The following HMCN2 variants were observed in gnomAD, a reference collection of about 807,000 sequenced individuals.
The protein encoded by HMCN2 is hemicentin 2.
Under a neutral mutation model 377.5 loss-of-function variants are expected in HMCN2, and 325 were observed. The observed-to-expected ratio is 0.86, with a 90% CI of 0.79 to 0.94. The LOEUF (loss-of-function observed/expected upper bound fraction) is 0.94, where lower values mean the gene tolerates loss of function less well. Ranked by LOEUF, HMCN2 falls within the 40% of genes least tolerant of loss-of-function variation. The pLI is 0.00. For missense variants in HMCN2, 4,543 were observed against 4,725.3 expected (o/e 0.96, Z 1.13); for synonymous variants, 2,007 against 2,046.8 (o/e 0.98, Z 0.53).
Position 130,376,560 on chromosome 9 carries a change from G to A in HMCN2, c.7963G>A (p.Val2655Met), listed in dbSNP as rs947049772. The change falls in exon 52 of 98, where the codon GTG (valine) becomes ATG (methionine). Residue 2655 changes from valine (V) to methionine (M), a missense_variant. By Grantham distance (21) the Val-to-Met change is conservative (BLOSUM62 1). Transcript: ENST00000683500. The stretch of plus-strand genomic sequence containing the variant: ...AGACGACCCCTTGGCGGAGGTCGGC[G>A]TGAAGGAGGTGAAGACCAAGGTCAA... ...SKDDPLAEVG[V>M]KEVKTKVNST... The A allele has an allele frequency of 8.0e-5, 79 of 985,716 alleles. No individual in the cohort carries two copies. Among genetic ancestry groups the A allele is most frequent in the Non-Finnish European group, 9.4e-5 (78 of 829,964 alleles). 61.1% of individuals were successfully genotyped at this position (985,716 alleles called of 1,614,324 possible). A position where few individuals can be genotyped will look rare whatever the true frequency, so the allele number is the denominator to read the frequency against.
chr9:130,380,790 AAG>A (rs1418825003), intron 54 of HMCN2, among the ~76,000 whole-genome samples: 2 of 151,288 alleles, frequency 1.3e-5, no homozygotes, highest in Non-Finnish European at 2.9e-5. Flanking sequence ...ATCTCAAAAA[AAG>A]AAAAAAAAAA....
Position 130,431,471 on chromosome 9 carries a change from G to A in HMCN2, c.14752G>A (p.Gly4918Arg), listed in dbSNP as rs868734338. The change falls in exon 96 of 98, where the codon GGG (glycine) becomes AGG (arginine). Residue 4918 changes from glycine to arginine, a missense_variant. By Grantham distance (125) the Gly-to-Arg change is moderately radical (BLOSUM62 -2). Coordinates refer to ENST00000683500, the MANE Select transcript of HMCN2 (RefSeq NM_001291815.2). ...CPAGYRLLPS[G>R]KNCQDINECE... is the part of the protein sequence containing the mutation. ...CGCCGGCTACCGTCTGCTCCCCAGCGGGAAGAACTGCCAGGGTGAGCCGGG... is the reference window on the plus strand; with the variant it reads ...CGCCGGCTACCGTCTGCTCCCCAGCAGGAAGAACTGCCAGGGTGAGCCGGG... 31 of 1,549,466 alleles carry A rather than the reference G, an allele frequency of 2.0e-5. No individual in the cohort carries two copies. The highest frequency in any genetic ancestry group is 5.5e-5 in the African/African-American group (4 of 73,052).
chr9:130,278,407 A>G (rs1466932574), intron 1 of HMCN2, among the ~76,000 whole-genome samples: 4 of 151,396 alleles, frequency 2.6e-5, no homozygotes, highest in South Asian at 2.1e-4. Context: ...TACAGGCGTG[A>G]GCCACCGCGC....
chr9:130,349,180 G>C (rs1454437050), intron 28 of HMCN2, 49 bp downstream of exon 28: 1 of 1,285,754 alleles, frequency 7.8e-7, no homozygotes, highest in South Asian at 1.3e-5. Context: ...TGGCCCTGTA[G>C]CCCCAACTCT....
intron 96 of HMCN2, among the ~76,000 whole-genome samples, 161 bp downstream of exon 96, chr9:130,431,647 C>G (rs1844766092): frequency 6.6e-6 from 1 of 152,204 alleles, no homozygotes; most frequent in Non-Finnish European, 1.5e-5. Context: ...CTGTGAACAC[C>G]CCAGGCTCCC....
chr9:130,419,311 A>G, intron 86 of HMCN2: 1 of 339,066 alleles, frequency 2.9e-6, no homozygotes. Context: ...CTGTCTGGAC[A>G]CTGCACAGCC....
intron 46 of HMCN2, among the ~76,000 whole-genome samples, chr9:130,371,384 T>G (rs537258337): frequency 6.7e-6 from 1 of 150,248 alleles, no homozygotes; most frequent in South Asian, 2.1e-4. Context: ...AATGAACATT[T>G]GCATAGCAAA....
rs1421698227 is a variant in HMCN2, at chr9:130,327,388, T to C, written c.3272T>C (p.Val1091Ala). ...LQVTAKAGEE[V>A]TLDCEAKGSP... ...GTCACAGCGAAGGCTGGCGAAGAGG[T>C]GACCCTGGACTGCGAGGCCAAGGGC... The change falls in exon 22 of 98, where the codon GTG (valine) becomes GCG (alanine). Residue 1091 changes from valine to alanine, a missense_variant. By Grantham distance (64) the Val-to-Ala change is moderately conservative. Coordinates refer to ENST00000683500, the MANE Select transcript of HMCN2 (RefSeq NM_001291815.2). 6.6e-6 allele frequency: 1 copy of C among 152,194 alleles called. No individual in the cohort carries two copies. Among genetic ancestry groups the C allele is most frequent in the Non-Finnish European group, 1.5e-5 (1 of 68,070 alleles). 9.4% of individuals were successfully genotyped at this position (152,194 alleles called of 1,614,324 possible).
chr9:130,307,322 G>A (rs533437780), intron 13 of HMCN2, 131 bp from the exon 14 acceptor site: 6 of 433,068 alleles, frequency 1.4e-5, no homozygotes, highest in Non-Finnish European at 2.4e-5. Flanking sequence ...TTGAACCTGG[G>A]GTGCTCCAGG....
At chr9:130,432,874 G>T in intron 97 of HMCN2, 1 of 404,970 alleles carries the variant, frequency 2.5e-6, no homozygotes. Flanking sequence ...GAGACATGGG[G>T]ACCTTAGGGG....
rs892436607 is a variant in HMCN2 at position 130,269,130 on chromosome 9, G to A, written c.259+2993G>A. ...AGGCGGGTGCGGGGCAAATCGTGGC[G>A]GTTCTAGACTGTTCCTGCTTGGAGA... On this transcript the variant is annotated intron_variant, in intron 1 of 97. Transcript: ENST00000683500. 2.0e-5 allele frequency among the ~76,000 whole-genome samples: 3 copies of A among 148,298 alleles called. 1 individual carries two copies. The highest frequency in any genetic ancestry group is 4.5e-5 in the Non-Finnish European group (3 of 66,046).
intron 1 of HMCN2, among the ~76,000 whole-genome samples, chr9:130,282,086 G>A (rs1252437448): frequency 3.3e-5 from 5 of 152,180 alleles, no homozygotes; most frequent in Non-Finnish European, 7.3e-5. Context: ...CCAGCACTGA[G>A]TGAAATGATT....
In HMCN2 at chr9:130,424,883, C is replaced by T. The variant is rs555474617; in HGVS notation, c.13489C>T (p.Arg4497Trp). 8.3e-5 allele frequency: 121 copies of T among 1,460,484 alleles called. 2 individuals are homozygous for T. The South Asian group carries it at 1.5e-3, about 19-fold the overall frequency. The allele number at this position is 1,460,484 out of a possible 1,614,324, so 90.5% of individuals were successfully genotyped here. A position where few individuals can be genotyped will look rare whatever the true frequency, so the allele number is the denominator to read the frequency against. The change falls in exon 88 of 98, where the codon CGG becomes TGG. Residue 4497 changes from arginine to tryptophan, a missense_variant. Around this residue, in one of 5 missense-constraint regions of HMCN2, gnomAD observed 1,155 missense variants for 1,157.7 expected, o/e 1.00. Transcript: ENST00000683500. ...NGHSLTGGRF[R>W]QESHVEFATG... ...CCACTCTCTGACTGGGGGCAGGTTC[C>T]GGCAGGAGTCACACGTGGAGTTTGC... is the stretch of plus-strand genomic sequence containing the variant.
intron 90 of HMCN2, among the ~76,000 whole-genome samples, chr9:130,426,736 T>C (rs1324680278): frequency 6.6e-6 from 1 of 151,206 alleles, no homozygotes; most frequent in Non-Finnish European, 1.5e-5. Context: ...TAAACTTTCT[T>C]AAAACATTAT....
rs1554935031 is a variant in HMCN2 at position 130,302,907 on chromosome 9, C to T, written c.1327C>T (p.Pro443Ser). 4.2e-6 allele frequency: 2 copies of T among 470,616 alleles called. No homozygotes were observed. The highest frequency in any genetic ancestry group is 4.0e-5 in the African/African-American group (2 of 50,084). 29.2% of individuals were successfully genotyped at this position (470,616 alleles called of 1,614,324 possible). Reference sequence around the variant, plus strand: ...CAGGATCCATGGCTACCTGCACCAGCCCCTGCTGGTCTCCTGCTCGGTGCA... The same window carrying T: ...CAGGATCCATGGCTACCTGCACCAGTCCCTGCTGGTCTCCTGCTCGGTGCA... ...APRIHGYLHQ[P>S]LLVSCSVHSA... Residue 443 changes from proline (P) to serine (S), a missense_variant, in exon 9 of 98, where the codon CCC becomes TCC. Around this residue, in one of 5 missense-constraint regions of HMCN2, gnomAD observed 547 missense variants for 189.9 expected, o/e 2.88. Coordinates refer to ENST00000683500, the MANE Select transcript of HMCN2 (RefSeq NM_001291815.2).
chr9:130,416,544 A>G (rs1843708988), intron 85 of HMCN2, among the ~76,000 whole-genome samples: 1 of 152,246 alleles, frequency 6.6e-6, no homozygotes, highest in Non-Finnish European at 1.5e-5. Flanking sequence ...TTTTTCTGCT[A>G]CATGGATGTA....
chr9:130,265,931 TG>T lies in HMCN2; in HGVS notation c.55del (p.Ala19GlnfsTer11). The T allele has an allele frequency of 6.8e-6, 1 of 146,794 alleles. No individual in the cohort carries two copies. The highest frequency in any genetic ancestry group is 1.2e-4 in the Admixed American group (1 of 8,646). 9.1% of individuals were successfully genotyped at this position (146,794 alleles called of 1,614,324 possible). On this transcript the variant is annotated frameshift_variant, in exon 1 of 98. Coordinates refer to ENST00000683500, the MANE Select transcript of HMCN2 (RefSeq NM_001291815.2). LOFTEE classifies it high-confidence loss of function. The stretch of plus-strand genomic sequence containing the variant: ...CTGCTGACCGCGGTCTCTGCGGCAG[TG>T]GCAGTGGCAGTGGCCGGGGCGCCCG... Reference protein sequence around the residue: ...LRLLTAVSAAVAVAVAGAPGT... With the variant: ...LRLLTAVSAAXAVAVAGAPGT...
At position 130,388,506 on chromosome 9, in the gene HMCN2, C is replaced by T; in HGVS notation, c.9489C>T (p.Pro3163=). ...GTGATGTGTCCGGGGTCCCTGCACC[C>T]ACGGTCACTTGGCTGAAGGACAGGA... ...LTCDVSGVPA[P]TVTWLKDRMP... is the part of the protein sequence containing the mutation. The change falls in exon 62 of 98, where the codon CCC becomes CCT. Residue 3163 remains proline, a synonymous_variant. Coordinates refer to ENST00000683500, the MANE Select transcript of HMCN2 (RefSeq NM_001291815.2). 1 of 988,100 alleles carries T rather than the reference C, an allele frequency of 1.0e-6. No individual in the cohort carries two copies. Among genetic ancestry groups the T allele is most frequent in the Non-Finnish European group, 1.2e-6 (1 of 830,136 alleles). The allele number at this position is 988,100 out of a possible 1,614,324, so 61.2% of individuals were successfully genotyped here.
rs1840326721 is a variant in HMCN2, at chr9:130,360,609, G to A, written c.5950+5G>A. 2 of 1,275,160 alleles carry A rather than the reference G, an allele frequency of 1.6e-6. No individual in the cohort carries two copies. Among genetic ancestry groups the A allele is most frequent in the Admixed American group, 5.1e-5 (2 of 39,258 alleles). The allele number at this position is 1,275,160 out of a possible 1,614,324, so 79.0% of individuals were successfully genotyped here. A position where few individuals can be genotyped will look rare whatever the true frequency, so the allele number is the denominator to read the frequency against. On this transcript the variant is annotated splice_donor_5th_base_variant and intron_variant, in intron 38 of 97. Transcript: ENST00000683500. The surrounding 1 kb of genome is among the most constrained non-coding windows in gnomAD (Gnocchi z 4.7). ...GGTATGGCCTACGGGTCAATGGTGA[G>A]CTTCCCTGGGCCTACAAGGTCCCTT...
Sources: allele counts gnomAD v4.1 joint callset (sites outside exome capture counted in the v4.1 genomes callset), GRCh38; gene constraint gnomAD v4.1.1; regional missense constraint gnomAD v4.1.1; non-coding constraint Gnocchi (gnomAD v3.1); transcripts MANE v1.5; gene names NCBI Gene and HGNC (gene_info 2026-07-23, HGNC 2026-07-21).